The following GRM7 variants were observed in gnomAD, a reference collection of about 807,000 sequenced individuals.
GRM7 encodes metabotropic glutamate receptor 7.
In GRM7, 35 loss-of-function variants were observed where a neutral mutation model predicts 84.5. The ratio of observed to expected loss-of-function variants is 0.41; its 90% confidence interval spans 0.32 to 0.55. The LOEUF is 0.55. Among genes scored for constraint, GRM7 ranks in the 20% least tolerant of loss-of-function variants. GRM7 has a pLI of 0.19. For missense variants in GRM7, 1,003 were observed against 1,194.6 expected (o/e 0.84, Z 2.36); for synonymous variants, 487 against 455.1 (o/e 1.07, Z -0.89).
intron 1 of GRM7, among the ~76,000 whole-genome samples, chr3:7,037,888 A>G (rs893983722): frequency 2.0e-5 from 3 of 152,214 alleles, no homozygotes; most frequent in Non-Finnish European, 4.4e-5. Context: ...TAGTTATTAA[A>G]TAATAAACTG....
At chr3:7,647,047 TA>T (rs1698680560) in intron 8 of GRM7, among the ~76,000 whole-genome samples, 1 of 152,216 alleles carries the variant, frequency 6.6e-6, no homozygotes, top group East Asian at 1.9e-4. Context: ...CTTGGCATTT[TA>T]TCCTGCTGGG....
intron 1 of GRM7, among the ~76,000 whole-genome samples, chr3:6,904,328 G>T (rs1345029324): frequency 6.6e-6 from 1 of 152,074 alleles, no homozygotes; most frequent in Non-Finnish European, 1.5e-5. Context: ...TTAGTAGAAT[G>T]ATCTCTGAGG....
intron 1 of GRM7, among the ~76,000 whole-genome samples, chr3:7,018,339 A>G (rs1695649879): frequency 6.6e-6 from 1 of 152,266 alleles, no homozygotes; most frequent in South Asian, 2.1e-4. Flanking sequence ...GAGTAGAATT[A>G]CAGAGAAGTG....
intron 1 of GRM7, among the ~76,000 whole-genome samples, chr3:6,997,000 C>A (rs1575112212): frequency 6.6e-6 from 1 of 152,110 alleles, no homozygotes; most frequent in African/African-American, 2.4e-5. Context: ...CAGGTACTTG[C>A]AGTGTAGTAA....
intron 8 of GRM7, among the ~76,000 whole-genome samples, chr3:7,585,855 G>A (rs1161150073): frequency 2.0e-5 from 3 of 152,158 alleles, no homozygotes; most frequent in African/African-American, 7.2e-5. Context: ...ACAGAGCGTG[G>A]TGTGCTGATG....
At chr3:7,020,951 C>T (rs2124911485) in intron 1 of GRM7, among the ~76,000 whole-genome samples, 1 of 152,238 alleles carries the variant, frequency 6.6e-6, no homozygotes, top group Non-Finnish European at 1.5e-5. Flanking sequence ...ACATCCCTGA[C>T]TATGACTGTA....
chr3:7,350,675 G>C (rs1340365466), intron 4 of GRM7, among the ~76,000 whole-genome samples: 1 of 152,062 alleles, frequency 6.6e-6, no homozygotes, highest in Non-Finnish European at 1.5e-5. Context: ...TACCACCAAG[G>C]ATAATCCATA....
intron 1 of GRM7, among the ~76,000 whole-genome samples, chr3:7,139,055 T>C (rs1674956417): frequency 6.8e-6 from 1 of 147,704 alleles, no homozygotes; most frequent in Non-Finnish European, 1.5e-5. Flanking sequence ...CTTTATAATA[T>C]ATAGTACATT....
At chr3:7,612,597 C>T (rs763633420) in intron 8 of GRM7, among the ~76,000 whole-genome samples, 35 of 152,276 alleles carry the variant, frequency 2.3e-4, no homozygotes, top group Non-Finnish European at 3.4e-4. Context: ...GACCTAATAG[C>T]TGTGTTCAAA....
intron 1 of GRM7, among the ~76,000 whole-genome samples, chr3:6,967,912 A>G (rs568542370): frequency 5.5e-4 from 83 of 152,236 alleles, no homozygotes; most frequent in African/African-American, 2.0e-3. Context: ...GGGCAAGGAG[A>G]TCTGGGCATT....
rs116566265 is a variant in GRM7, at chr3:6,979,256, C to T, written c.519+117349C>T. Among the ~76,000 whole-genome samples the T allele has an allele frequency of 3.5e-3, 534 of 152,222 alleles. 4 individuals carry two copies. Among genetic ancestry groups the T allele is most frequent in the African/African-American group, 0.013 (525 of 41,546 alleles). On this transcript the variant is annotated intron_variant, in intron 1 of 9. Transcript: ENST00000357716. ...GATTTCTACAGCAGGGTAGGTCAGC[C>T]ATGATCATCTCAAGCCACGCTACAT...
intron 1 of GRM7, among the ~76,000 whole-genome samples, chr3:6,938,930 CTGTT>C (rs1697789609): frequency 6.6e-6 from 1 of 152,180 alleles, no homozygotes; most frequent in Non-Finnish European, 1.5e-5. Context: ...AAGGCACTTG[CTGTT>C]TATTTCTTAG....
Position 7,503,786 on chromosome 3 carries a change from T to C in GRM7, c.1515+42064T>C, listed in dbSNP as rs144258601. ...ACTTAACCAATAACTCCAATTGAAC[T>C]GTCAGCTTTTTCAGGCCAGACGAGA... On this transcript the variant is annotated intron_variant, in intron 7 of 9. Transcript: ENST00000357716. 3.2e-3 allele frequency among the ~76,000 whole-genome samples: 481 copies of C among 152,312 alleles called. 13 individuals carry two copies. Among genetic ancestry groups the C allele is most frequent in the East Asian group, 5.8e-3 (30 of 5,188 alleles).
At chr3:7,261,975 G>T (rs568964819) in intron 2 of GRM7, among the ~76,000 whole-genome samples, 1 of 89,936 alleles carries the variant, frequency 1.1e-5, no homozygotes, top group South Asian at 3.8e-4. Context: ...TCTTTCTTTC[G>T]TTCTTTCCTG....
intron 7 of GRM7, among the ~76,000 whole-genome samples, chr3:7,562,953 T>A (rs1694093284): frequency 6.6e-6 from 1 of 152,106 alleles, no homozygotes; most frequent in South Asian, 2.1e-4. Flanking sequence ...ACAGTTTCTA[T>A]CCTTTAGTTC....
chr3:7,460,599 T>C lies in GRM7; in HGVS notation c.1376-984T>C, dbSNP rs568879843. On this transcript the variant is annotated intron_variant, in intron 6 of 9. Coordinates refer to ENST00000357716, the MANE Select transcript of GRM7 (RefSeq NM_000844.4). ...GGTCCAGTATTAGCCTATAGACAGA[T>C]AGCAGTCATATATCATATTATCATG... Among the ~76,000 whole-genome samples the C allele has an allele frequency of 1.9e-4, 29 of 152,304 alleles. No individual in the cohort carries two copies. The South Asian group carries it at 5.8e-3, about 30-fold the overall frequency.
At chr3:7,092,191 A>C (rs1195927132) in intron 1 of GRM7, among the ~76,000 whole-genome samples, 1 of 152,124 alleles carries the variant, frequency 6.6e-6, no homozygotes, top group African/African-American at 2.4e-5. Context: ...TCCGTGAAGT[A>C]AAGAAATTAA....
At chr3:7,654,143 C>CATAG (rs1699078797) in intron 8 of GRM7, among the ~76,000 whole-genome samples, 1 of 152,138 alleles carries the variant, frequency 6.6e-6, no homozygotes, top group Admixed American at 6.5e-5. Flanking sequence ...TCTCTGAGCT[C>CATAG]ATAGAGTCTT....
chr3:7,667,917 C>T (rs1471193265), intron 8 of GRM7, among the ~76,000 whole-genome samples: 1 of 150,360 alleles, frequency 6.7e-6, no homozygotes, highest in African/African-American at 2.4e-5. Flanking sequence ...GTCATGGCAA[C>T]CATTTCATTT....
Sources: gnomAD v4.1 joint callset for allele counts (sites outside exome capture counted in the v4.1 genomes callset) on GRCh38, gnomAD v4.1.1 for gene constraint, MANE v1.5 for transcripts, NCBI Gene and HGNC (gene_info 2026-07-23, HGNC 2026-07-21) for gene names.